Variants in CD8B2 observed in about 807,000 individuals in gnomAD.
CD8B2 encodes T-cell surface glycoprotein CD8 beta-2 chain.
A neutral mutation model predicts 23.7 loss-of-function variants in CD8B2; 11 were observed. The ratio of observed to expected loss-of-function variants is 0.46; its 90% CI spans 0.29 to 0.77. The LOEUF is 0.77. CD8B2 is among the 30% of genes least tolerant of loss of function. The pLI, the probability that CD8B2 is intolerant of heterozygous loss-of-function variation, is 0.09. For missense variants in CD8B2, 197 were observed against 270.5 expected (o/e 0.73, Z 1.91); for synonymous variants, 90 against 109.3 (o/e 0.82, Z 1.10).
At chr2:106,500,544 A>AT (rs1553466752) in intron 3 of CD8B2, among the ~76,000 whole-genome samples, 2 of 145,544 alleles carry the variant, frequency 1.4e-5, no homozygotes, top group Admixed American at 6.9e-5. Context: ...AAATAAATAA[A>AT]TAAATAAATA....
At chr2:106,521,023 G>GGA (rs70953586) in intron 5 of CD8B2, among the ~76,000 whole-genome samples, 91,111 of 129,916 alleles carry the variant, frequency 0.7, 32,075 homozygotes, top group East Asian at 0.91. Flanking sequence ...ATGTTTTAAG[G>GGA]GAGAGAGAGA....
intron 5 of CD8B2, among the ~76,000 whole-genome samples, chr2:106,518,746 C>G (rs1223816668): frequency 1.3e-5 from 2 of 152,016 alleles, no homozygotes; most frequent in Non-Finnish European, 2.9e-5. Flanking sequence ...CTCTACTTAT[C>G]CCTCCGTCTA....
chr2:106,540,097 G>A (rs1027079078), intron 5 of CD8B2, among the ~76,000 whole-genome samples: 1 of 152,010 alleles, frequency 6.6e-6, no homozygotes, highest in African/African-American at 2.4e-5. Context: ...ATTTTGTTAT[G>A]TGGAATGATT....
At chr2:106,497,316 C>T (rs1305911645) in intron 3 of CD8B2, among the ~76,000 whole-genome samples, 1 of 152,164 alleles carries the variant, frequency 6.6e-6, no homozygotes, top group African/African-American at 2.4e-5. Context: ...GGACCTAATA[C>T]ACAGTATGTG....
At chr2:106,521,518 C>A (rs1344284975) in intron 5 of CD8B2, 10 of 152,228 alleles carry the variant, frequency 6.6e-5, no homozygotes, top group Non-Finnish European at 1.5e-5. Context: ...CTTACCCTCA[C>A]TGTCTGCCTG....
At chr2:106,533,200 CG>C (rs1680016909) in intron 5 of CD8B2, among the ~76,000 whole-genome samples, 1 of 152,150 alleles carries the variant, frequency 6.6e-6, no homozygotes, top group African/African-American at 2.4e-5. Flanking sequence ...GGGCAGAATC[CG>C]GGGGCACCAG....
At chr2:106,498,927 C>T (rs1175949663) in intron 3 of CD8B2, among the ~76,000 whole-genome samples, 2 of 152,046 alleles carry the variant, frequency 1.3e-5, no homozygotes, top group East Asian at 3.9e-4. Context: ...GGGACCATTT[C>T]TAAACCATGG....
chr2:106,531,455 A>T (rs1439942188), intron 5 of CD8B2, among the ~76,000 whole-genome samples: 3 of 152,122 alleles, frequency 2.0e-5, no homozygotes, highest in African/African-American at 7.2e-5. Context: ...GTCCTCTATC[A>T]CACGAGTTCT....
At chr2:106,495,625 C>G (rs1679284807) in intron 2 of CD8B2, among the ~76,000 whole-genome samples, 1 of 152,172 alleles carries the variant, frequency 6.6e-6, no homozygotes, top group Non-Finnish European at 1.5e-5. Context: ...GCCTTCCTCT[C>G]TCCAGGACAC....
intron 5 of CD8B2, among the ~76,000 whole-genome samples, chr2:106,519,788 G>T (rs1455159933): frequency 6.6e-6 from 1 of 152,062 alleles, no homozygotes; most frequent in Non-Finnish European, 1.5e-5. Context: ...TGCTAAAAAA[G>T]AAAAAAATTG....
At chr2:106,497,204 T>G (rs1558876195) in intron 3 of CD8B2, among the ~76,000 whole-genome samples, 1 of 151,718 alleles carries the variant, frequency 6.6e-6, no homozygotes, top group Admixed American at 6.6e-5. Context: ...GCCTGGGAGG[T>G]GGAGATTGAA....
Position 106,491,230 on chromosome 2 carries a change from G to A in CD8B2, c.400G>A (p.Val134Met), listed in dbSNP as rs1332261540. 2.0e-6 allele frequency: 3 copies of A among 1,514,902 alleles called. No individual in the cohort carries two copies. Among genetic ancestry groups the A allele is most frequent in the Non-Finnish European group, 2.7e-6 (3 of 1,102,580 alleles). The allele number at this position is 1,514,902 out of a possible 1,614,324, so 93.8% of individuals were successfully genotyped here. A position where few individuals can be genotyped will look rare whatever the true frequency, so the allele number is the denominator to read the frequency against. ...CTTCGGGAAGGGAACTCAGCTGAGT[G>A]TGGGTAAAAAGCAGGCTCAATGCTA... is the stretch of plus-strand genomic sequence containing the variant. ...LTFGKGTQLS[V>M]VDFLPTTAQP... The change falls in exon 2 of 6, where the codon GTG (valine) becomes ATG (methionine). Residue 134 changes from valine to methionine, a missense_variant. By Grantham distance (21) the Val-to-Met change is conservative (BLOSUM62 1). Transcript: ENST00000643224.
At chr2:106,494,412 T>G (rs1216808754) in intron 2 of CD8B2, among the ~76,000 whole-genome samples, 2 of 152,256 alleles carry the variant, frequency 1.3e-5, no homozygotes, top group East Asian at 3.9e-4. Flanking sequence ...CCTCCCAAAG[T>G]GCTGGGATTA....
intron 5 of CD8B2, among the ~76,000 whole-genome samples, chr2:106,542,855 C>T (rs987967702): frequency 4.0e-5 from 6 of 151,884 alleles, no homozygotes; most frequent in Admixed American, 3.9e-4. Flanking sequence ...ATCATCCAGC[C>T]CCGGCTTATC....
At position 106,507,590 on chromosome 2, in the gene CD8B2, T is replaced by C. The variant is rs1679535676; in HGVS notation, c.*650T>C. ...CCATTTCTACTCTCCCATGGCTTAA[T>C]GCTTCTTTCATTTTCTGTTTGTTTT... On this transcript the variant is annotated 3_prime_UTR_variant, in exon 6 of 6. Transcript: ENST00000643224. The C allele has an allele frequency of 2.1e-6, 2 of 966,008 alleles. No individual in the cohort carries two copies. Among genetic ancestry groups the C allele is most frequent in the Non-Finnish European group, 1.2e-6 (1 of 812,348 alleles). The allele number at this position is 966,008 out of a possible 1,614,324, so 59.8% of individuals were successfully genotyped here. A position where few individuals can be genotyped will look rare whatever the true frequency, so the allele number is the denominator to read the frequency against.
At chr2:106,523,017 T>A (rs113214056) in intron 5 of CD8B2, among the ~76,000 whole-genome samples, 1 of 152,180 alleles carries the variant, frequency 6.6e-6, no homozygotes, top group Non-Finnish European at 1.5e-5. Flanking sequence ...GCCTAAATTT[T>A]ATTTTGCAAT....
At chr2:106,494,765 T>C (rs1290312685) in intron 2 of CD8B2, among the ~76,000 whole-genome samples, 1 of 152,176 alleles carries the variant, frequency 6.6e-6, no homozygotes, top group African/African-American at 2.4e-5. Flanking sequence ...GGACAGGGGC[T>C]TGGGGTCCCA....
At chr2:106,526,988 G>A (rs1299537898) in intron 5 of CD8B2, among the ~76,000 whole-genome samples, 1 of 152,086 alleles carries the variant, frequency 6.6e-6, no homozygotes, top group African/African-American at 2.4e-5. Flanking sequence ...ATGGACATTT[G>A]GATTATGTCT....
intron 5 of CD8B2, among the ~76,000 whole-genome samples, chr2:106,538,536 A>G (rs907381314): frequency 6.6e-6 from 1 of 152,048 alleles, no homozygotes; most frequent in South Asian, 2.1e-4. Flanking sequence ...GGCACTTGAG[A>G]TCTCACAAAG....
Sources: allele counts gnomAD v4.1 joint callset (sites outside exome capture counted in the v4.1 genomes callset), GRCh38; gene constraint gnomAD v4.1.1; transcripts MANE v1.5; gene names NCBI Gene and HGNC (gene_info 2026-07-23, HGNC 2026-07-21).